RAB27B: variants seen among roughly 807,000 people sequenced by gnomAD.
RAB27B encodes RAB27B, member RAS oncogene family, also known as ras-related protein Rab-27B.
A neutral mutation model predicts 24.6 loss-of-function variants in RAB27B; 15 were observed. The ratio of observed to expected loss-of-function variants is 0.61; its 90% confidence interval spans 0.41 to 0.94. The LOEUF (loss-of-function observed/expected upper bound fraction) is 0.94. Among genes scored for constraint, RAB27B ranks in the 40% least tolerant of loss-of-function variants. RAB27B has a pLI of 0.00. For synonymous variants in RAB27B, 105 were observed against 92.5 expected, an observed-to-expected ratio of 1.14 and a Z score of -0.78; for missense variants, 261 against 266.8, an observed-to-expected ratio of 0.98 and a Z score of 0.15.
intron 3 of RAB27B, among the ~76,000 whole-genome samples, chr18:54,882,521 AGT>A (rs941914327): frequency 6.6e-6 from 1 of 152,226 alleles, no homozygotes; most frequent in Non-Finnish European, 1.5e-5. Flanking sequence ...GCCCACATGC[AGT>A]GTTGGGAAGG....
chr18:54,842,908 C>T (rs1331710081), intron 1 of RAB27B, among the ~76,000 whole-genome samples: 1 of 152,118 alleles, frequency 6.6e-6, no homozygotes, highest in Non-Finnish European at 1.5e-5. Flanking sequence ...CATTCTCCCA[C>T]CTCAGCCTCC....
chr18:54,831,838 C>T lies in RAB27B; in HGVS notation c.-20+3138C>T, dbSNP rs372943534. ...GTTGGCAGGCTGGAGTGCCCTGGCA[C>T]GATCTTGGCTCACTGCAACCTCCAC... On this transcript the variant is annotated intron_variant, in intron 1 of 5. Coordinates refer to ENST00000262094, the MANE Select transcript of RAB27B (RefSeq NM_004163.4). 1.4e-3 allele frequency among the ~76,000 whole-genome samples: 208 copies of T among 151,954 alleles called. 5 individuals are homozygous for T. In the South Asian group the frequency reaches 0.035, roughly 25 times the overall value.
chr18:54,747,163 C>A (rs1910278116), intron 2 of RAB27B, among the ~76,000 whole-genome samples: 1 of 152,180 alleles, frequency 6.6e-6, no homozygotes, highest in South Asian at 2.1e-4. Context: ...CTCCTCCCCA[C>A]AATCTCCAAT....
At chr18:54,859,567 A>G (rs756808637) in intron 1 of RAB27B, among the ~76,000 whole-genome samples, 10 of 152,106 alleles carry the variant, frequency 6.6e-5, no homozygotes, top group Non-Finnish European at 1.3e-4. Context: ...TCAGAACCTT[A>G]GCAGGCTCTG....
chr18:54,872,141 C>T (rs1035012978), intron 1 of RAB27B, among the ~76,000 whole-genome samples: 21 of 152,160 alleles, frequency 1.4e-4, no homozygotes, highest in Admixed American at 7.9e-4. Context: ...GATGCTTATA[C>T]GGAGGAGCCC....
chr18:54,732,832 G>A lies in RAB27B; in HGVS notation c.-20+14691G>A, dbSNP rs190224881. On this transcript the variant is annotated intron_variant, in intron 2 of 4. Transcript: ENST00000586570. ...AGGACCAACCTCTATAGGTTAACAAGCAACTTCACCAAATCTGGGACTTTT... is the reference window on the plus strand; with the variant it reads ...AGGACCAACCTCTATAGGTTAACAAACAACTTCACCAAATCTGGGACTTTT... Among the ~76,000 whole-genome samples, 475 of 152,212 alleles carry A rather than the reference G, an allele frequency of 3.1e-3. 4 individuals carry two copies. Among genetic ancestry groups the A allele is most frequent in the African/African-American group, 0.011 (452 of 41,542 alleles).
intron 2 of RAB27B, among the ~76,000 whole-genome samples, chr18:54,792,657 C>A (rs4338873): frequency 0.02 from 3,067 of 152,194 alleles, 110 homozygotes; most frequent in African/African-American, 0.069. Context: ...CTATTACTAT[C>A]TTCTTTCATA....
chr18:54,795,362 G>A (rs937609425), intron 2 of RAB27B, among the ~76,000 whole-genome samples: 27 of 152,166 alleles, frequency 1.8e-4, no homozygotes, highest in Admixed American at 1.8e-3. Context: ...GTTTGATCTA[G>A]GTCCTCGCCA....
chr18:54,867,662 G>C (rs925332429), intron 1 of RAB27B, among the ~76,000 whole-genome samples: 2 of 151,836 alleles, frequency 1.3e-5, no homozygotes, highest in African/African-American at 4.8e-5. Flanking sequence ...GGTCAGGCTG[G>C]TCTCAAACTC....
intron 2 of RAB27B, among the ~76,000 whole-genome samples, chr18:54,801,821 T>C (rs1909621607): frequency 6.6e-6 from 1 of 152,186 alleles, no homozygotes; most frequent in African/African-American, 2.4e-5. Context: ...GTTAAACCTG[T>C]GGATGATATG....
intron 2 of RAB27B, among the ~76,000 whole-genome samples, chr18:54,778,350 G>T (rs956656477): frequency 6.6e-6 from 1 of 152,208 alleles, no homozygotes; most frequent in Non-Finnish European, 1.5e-5. Flanking sequence ...AGCTGGAAGA[G>T]CATGGCATGA....
upstream of RAB27B, among the ~76,000 whole-genome samples, chr18:54,827,730 GTT>G (rs1177119596): frequency 3.3e-5 from 5 of 152,198 alleles, no homozygotes; most frequent in Non-Finnish European, 7.3e-5. Context: ...TAAATCGGTT[GTT>G]ATTATAATGT....
intron 4 of RAB27B, among the ~76,000 whole-genome samples, chr18:54,886,638 T>G (rs1221217274): frequency 1.3e-5 from 2 of 152,090 alleles, no homozygotes; most frequent in African/African-American, 4.8e-5. Context: ...TAGCTTTAGA[T>G]TCCCAGGAGA....
At chr18:54,841,132 G>A (rs1000274147) in intron 1 of RAB27B, among the ~76,000 whole-genome samples, 3 of 132,000 alleles carry the variant, frequency 2.3e-5, no homozygotes, top group Admixed American at 8.9e-5. Flanking sequence ...GGGTAACAGA[G>A]AAAGACTCTG....
At chr18:54,817,571 T>C (rs1167802301) in intron 2 of RAB27B, among the ~76,000 whole-genome samples, 1 of 152,134 alleles carries the variant, frequency 6.6e-6, no homozygotes, top group South Asian at 2.1e-4. Context: ...GCAAGTAATT[T>C]AGTAAATAAG....
chr18:54,884,433 ATGAG>A lies in RAB27B; in HGVS notation c.342_343+2del. Reference sequence around the variant, plus strand: ...GAGCTTCTTAAATGTCAGAAACTGGATGAGTAAGTGGGACTGAGTAATGTGCATT... The same window carrying A: ...GAGCTTCTTAAATGTCAGAAACTGGATAAGTGGGACTGAGTAATGTGCATT... On this transcript the variant is annotated splice_donor_variant and coding_sequence_variant, in exon 4 of 6. Transcript: ENST00000262094. LOFTEE classifies it high-confidence loss of function. 6.3e-7 allele frequency: 1 copy of A among 1,599,338 alleles called. No individual in the cohort carries two copies. Among genetic ancestry groups the A allele is most frequent in the Non-Finnish European group, 8.6e-7 (1 of 1,167,112 alleles).
chr18:54,862,551 T>A (rs1375865870), intron 1 of RAB27B, among the ~76,000 whole-genome samples: 1 of 152,122 alleles, frequency 6.6e-6, no homozygotes, highest in East Asian at 1.9e-4. Flanking sequence ...TGGAGAAAAA[T>A]GGTTTTCAGA....
intron 1 of RAB27B, among the ~76,000 whole-genome samples, chr18:54,861,445 G>A (rs754787110): frequency 6.6e-6 from 1 of 152,196 alleles, no homozygotes; most frequent in Non-Finnish European, 1.5e-5. Context: ...TTCATGATAA[G>A]GGCAATGAAT....
intron 2 of RAB27B, among the ~76,000 whole-genome samples, chr18:54,812,576 C>A (rs1049609351): frequency 1.3e-5 from 2 of 151,070 alleles, no homozygotes; most frequent in African/African-American, 4.9e-5. Context: ...CACACACACA[C>A]ACACACACAC....
Sources: gnomAD v4.1 joint callset for allele counts (sites outside exome capture counted in the v4.1 genomes callset) on GRCh38, gnomAD v4.1.1 for gene constraint, MANE v1.5 for transcripts, NCBI Gene and HGNC (gene_info 2026-07-23, HGNC 2026-07-21) for gene names.